SNRNP200: variants seen among roughly 807,000 people sequenced by gnomAD.
The protein encoded by SNRNP200 is U5 small nuclear ribonucleoprotein 200 kDa helicase.
In SNRNP200, 66 loss-of-function variants were observed where a neutral mutation model predicts 255.2. The ratio of observed to expected loss-of-function variants is 0.26; its 90% CI spans 0.21 to 0.32. The LOEUF is 0.32. SNRNP200 is among the 10% of genes least tolerant of loss of function. The probability of loss-of-function intolerance (pLI) is 1.00; values close to 1 mark genes in which losing one functional copy is unlikely to be tolerated. For synonymous variants in SNRNP200, 939 were observed against 1,027.8 expected (o/e 0.91, Z 1.65); for missense variants, 1,585 against 2,749.8 (o/e 0.58, Z 9.47).
rs1352883834 is a variant in SNRNP200 at position 96,297,498 on chromosome 2, C to T, written c.1242G>A (p.Leu414=). The T allele has an allele frequency of 1.2e-6, 2 of 1,614,090 alleles. No individual in the cohort carries two copies. Among genetic ancestry groups the T allele is most frequent in the East Asian group, 4.5e-5 (2 of 44,874 alleles). The part of the protein sequence containing the change: ...APRQVLDLED[L]VFTQGSHFMA... The stretch of plus-strand genomic sequence containing the variant: ...TAAAGTGGCTCCCTTGGGTAAAAAC[C>T]AGGTCCTCCAAGTCCAGAACCTGCC... Residue 414 remains leucine, a synonymous_variant, in exon 11 of 45, where the codon CTG becomes CTA. Coordinates refer to ENST00000323853, the MANE Select transcript of SNRNP200 (RefSeq NM_014014.5).
rs184818656 is a variant in SNRNP200 at position 96,301,266 on chromosome 2, G to A, written c.575-213C>T. On this transcript the variant is annotated intron_variant, in intron 4 of 44. Transcript: ENST00000323853. ...CCAGCCTTGGAGTCAGCCCAGCTCT[G>A]CTTGCTCAACCACTTGAGCCCCCAA... Among the ~76,000 whole-genome samples the A allele has an allele frequency of 5.3e-5, 8 of 152,248 alleles. No homozygotes were observed. In the East Asian group the frequency reaches 1.3e-3, roughly 26 times the overall value.
chr2:96,286,297 A>T lies in SNRNP200; in HGVS notation c.4003+14T>A, dbSNP rs769747654. The T allele has an allele frequency of 6.2e-7, 1 of 1,613,544 alleles. No individual in the cohort carries two copies. The highest frequency in any genetic ancestry group is 8.5e-7 in the Non-Finnish European group (1 of 1,179,558). ...GACTTCAAAAGCCTCCAGAGGAGGG[A>T]TGGAAACACTTACCCTGGGTCTGGA... is the stretch of plus-strand genomic sequence containing the variant. On this transcript the variant is annotated intron_variant, in intron 29 of 44. Coordinates refer to ENST00000323853, the MANE Select transcript of SNRNP200 (RefSeq NM_014014.5). The surrounding 1 kb of genome is among the most constrained non-coding windows in gnomAD (Gnocchi z 4.8).
intron 35 of SNRNP200, 54 bp from the exon 36 acceptor site, chr2:96,279,613 C>G (rs930472432): frequency 6.8e-6 from 8 of 1,173,918 alleles, no homozygotes; most frequent in Non-Finnish European, 5.1e-6. Flanking sequence ...GGAGACCATG[C>G]TCAGGAAGCC....
At chr2:96,276,297 G>A (rs1558762146) in intron 43 of SNRNP200, among the ~76,000 whole-genome samples, 1 of 152,028 alleles carries the variant, frequency 6.6e-6, no homozygotes, top group East Asian at 1.9e-4. Context: ...GAAAAAAGAA[G>A]AAACAACCAG....
chr2:96,277,279 C>G lies in SNRNP200; in HGVS notation c.5932-38G>C. The G allele has an allele frequency of 6.2e-7, 1 of 1,609,730 alleles. No individual in the cohort carries two copies. Among genetic ancestry groups the G allele is most frequent in the Non-Finnish European group, 8.5e-7 (1 of 1,176,188 alleles). ...TTCAGACGTCAGGAAAGAGAGAACA[C>G]GGGCCAACAGCAAATGACACAGGCA... On this transcript the variant is annotated intron_variant, in intron 41 of 44. Coordinates refer to ENST00000323853, the MANE Select transcript of SNRNP200 (RefSeq NM_014014.5). The surrounding 1 kb of genome is among the most constrained non-coding windows in gnomAD (Gnocchi z 4.4).
At chr2:96,275,809 T>C (rs957575982) in intron 43 of SNRNP200, among the ~76,000 whole-genome samples, 1 of 152,216 alleles carries the variant, frequency 6.6e-6, no homozygotes, top group African/African-American at 2.4e-5. Context: ...GAGACCATAC[T>C]GGCTAACATG....
At chr2:96,288,015 C>T (rs2063854074) in intron 24 of SNRNP200, 46 bp from the exon 25 acceptor site, 1 of 1,564,630 alleles carries the variant, frequency 6.4e-7, no homozygotes, top group African/African-American at 1.4e-5. Context: ...CGACTATCCC[C>T]AGGCCTCATG....
chr2:96,291,064 A>G lies in SNRNP200; in HGVS notation c.2422-249T>C, dbSNP rs943544082. Among the ~76,000 whole-genome samples, 44 of 152,196 alleles carry G rather than the reference A, an allele frequency of 2.9e-4. No homozygotes were observed. Among genetic ancestry groups the G allele is most frequent in the African/African-American group, 1.0e-3 (42 of 41,444 alleles). On this transcript the variant is annotated intron_variant, in intron 18 of 44. Coordinates refer to ENST00000323853, the MANE Select transcript of SNRNP200 (RefSeq NM_014014.5). The surrounding 1 kb of genome is among the most constrained non-coding windows in gnomAD (Gnocchi z 4.2). ...GCAGACTTGTATTAAACAACCTTAA[A>G]GTTACTAGAAAAGGTAAAACAGAGC... is the stretch of plus-strand genomic sequence containing the variant.
chr2:96,288,020 C>T, intron 24 of SNRNP200, 51 bp from the exon 25 acceptor site: 1 of 1,528,798 alleles, frequency 6.5e-7, no homozygotes, highest in South Asian at 1.1e-5. Flanking sequence ...ATCCCCAGGC[C>T]TCATGAGCCA....
Position 96,278,139 on chromosome 2 carries a change from G to A in SNRNP200, c.5610+98C>T. 6.3e-7 allele frequency: 1 copy of A among 1,584,912 alleles called. No homozygotes were observed. The highest frequency in any genetic ancestry group is 1.7e-5 in the Admixed American group (1 of 59,968). ...GGACATATGGCGGGGGTCGGGGGAT[G>A]CGTATGGGCGTGTTGGTGGCAGGGA... On this transcript the variant is annotated intron_variant, in intron 39 of 44. Transcript: ENST00000323853. This position sits in a 1 kb window ranked among gnomAD's most constrained non-coding sequence, Gnocchi z 6.9.
chr2:96,291,829 T>C lies in SNRNP200; in HGVS notation c.2232A>G (p.Glu744=). 1 of 1,614,196 alleles carries C rather than the reference T, an allele frequency of 6.2e-7. No individual in the cohort carries two copies. Reference sequence around the variant, plus strand: ...TCAGAAACAGACCCAGAGTGTCCTTTTCTAGGCACATGTCCCGGATGGCCC... The same window carrying C: ...TCAGAAACAGACCCAGAGTGTCCTTCTCTAGGCACATGTCCCGGATGGCCC... ...TARAIRDMCL[E]KDTLGLFLRE... is the part of the protein sequence containing the mutation. The change falls in exon 17 of 45, where the codon GAA becomes GAG. Residue 744 remains glutamate, a synonymous_variant. Transcript: ENST00000323853. The surrounding 1 kb of genome is among the most constrained non-coding windows in gnomAD (Gnocchi z 4.2).
chr2:96,292,820 T>C (rs919921707), intron 16 of SNRNP200, 152 bp downstream of exon 16: 1 of 843,908 alleles, frequency 1.2e-6, no homozygotes, highest in Admixed American at 2.2e-5. Flanking sequence ...CCAGTGGCTA[T>C]AGGTTCTGTA....
Position 96,276,912 on chromosome 2 carries a change from A to T in SNRNP200, c.6166T>A (p.Phe2056Ile). 6.2e-7 allele frequency: 1 copy of T among 1,612,812 alleles called. No individual in the cohort carries two copies. The highest frequency in any genetic ancestry group is 8.5e-7 in the Non-Finnish European group (1 of 1,178,820). The change falls in exon 43 of 45, where the codon TTC becomes ATC. Residue 2056 changes from phenylalanine to isoleucine, a missense_variant. Physicochemically the swap from Phe to Ile is conservative, Grantham distance 21 (BLOSUM62 0). Around this residue, in one of 9 missense-constraint regions of SNRNP200, gnomAD observed 279 missense variants for 551.2 expected, o/e 0.51. Coordinates refer to ENST00000323853, the MANE Select transcript of SNRNP200 (RefSeq NM_014014.5). Reference protein sequence around the residue: ...EVTGPVIAPLFPQKREEGWWV... With the variant: ...EVTGPVIAPLIPQKREEGWWV... ...CAGCTACCAGGACGCACCTGCGGGAAGAGAGGCGCAATGACAGGGCCTGTG... is the reference window on the plus strand; with the variant it reads ...CAGCTACCAGGACGCACCTGCGGGATGAGAGGCGCAATGACAGGGCCTGTG...
At chr2:96,285,470 G>A (rs1002955678) in intron 29 of SNRNP200, 130 bp from the exon 30 acceptor site, 7 of 1,001,556 alleles carry the variant, frequency 7.0e-6, no homozygotes, top group East Asian at 5.2e-5. Flanking sequence ...TGCAGACAGA[G>A]GAGCTAAGGC....
rs2063963015 is a variant in SNRNP200, at chr2:96,303,070, T to C, written c.381+89A>G. 8 of 1,407,436 alleles carry C rather than the reference T, an allele frequency of 5.7e-6. No homozygotes were observed. In the South Asian group the frequency reaches 6.9e-5, roughly 12 times the overall value. 87.2% of individuals were successfully genotyped at this position (1,407,436 alleles called of 1,614,324 possible). ...ACTCATCAGCATACAAAAAGATACT[T>C]AGCACTTCGAAGATTCCAAGGATCT... On this transcript the variant is annotated intron_variant, in intron 3 of 44. Transcript: ENST00000323853.
At position 96,281,823 on chromosome 2, in the gene SNRNP200, T is replaced by C. The variant is rs1359022039; in HGVS notation, c.5015A>G (p.Lys1672Arg). Residue 1672 changes from lysine (K) to arginine (R), a missense_variant, in exon 35 of 45, where the codon AAG (lysine) becomes AGG (arginine). Around this residue, in one of 9 missense-constraint regions of SNRNP200, gnomAD observed 719 missense variants for 1,091.1 expected, o/e 0.66. Coordinates refer to ENST00000323853, the MANE Select transcript of SNRNP200 (RefSeq NM_014014.5). ...IIMDTQYYNGKIHAYVDYPIY... is the reference protein window; with the variant it reads ...IIMDTQYYNGRIHAYVDYPIY... ...CACCAGTTGTACTCACGCGTGGATC[T>C]TGCCATTGTAGTACTGGGTATCCAT... 3 of 1,612,890 alleles carry C rather than the reference T, an allele frequency of 1.9e-6. No homozygotes were observed. The highest frequency in any genetic ancestry group is 2.5e-6 in the Non-Finnish European group (3 of 1,178,852).
At chr2:96,305,308 G>A in intron 1 of SNRNP200, 85 bp downstream of exon 1, 1 of 1,538,030 alleles carries the variant, frequency 6.5e-7, no homozygotes, top group Non-Finnish European at 9.0e-7. Context: ...TCTCCTGTAG[G>A]CCTTCAGACT....
At chr2:96,299,478 C>T (rs764068040) in intron 5 of SNRNP200, 51 bp from the exon 6 acceptor site, 15 of 1,440,136 alleles carry the variant, frequency 1.0e-5, no homozygotes, top group Non-Finnish European at 1.4e-5. Context: ...TCCTGCATCA[C>T]CACAGAACCT....
rs774092231 is a variant in SNRNP200, at chr2:96,289,115, C to T, written c.3096G>A (p.Glu1032=). Residue 1032 remains glutamate (E), a splice_region_variant and synonymous_variant, in exon 23 of 45, where the codon GAG becomes GAA. Coordinates refer to ENST00000323853, the MANE Select transcript of SNRNP200 (RefSeq NM_014014.5). ...GCAACTTCTGCAGCTCCAGCTTCTCCTCCTGCCACAAGGAGGAAAAGGTCA... is the reference window on the plus strand; with the variant it reads ...GCAACTTCTGCAGCTCCAGCTTCTCTTCCTGCCACAAGGAGGAAAAGGTCA... The part of the protein sequence containing the change: ...SEFKNITVRE[E]EKLELQKLLE... 2 of 1,613,798 alleles carry T rather than the reference C, an allele frequency of 1.2e-6. No individual in the cohort carries two copies. Among genetic ancestry groups the T allele is most frequent in the Non-Finnish European group, 8.5e-7 (1 of 1,179,862 alleles).
Sources: allele counts gnomAD v4.1 joint callset (sites outside exome capture counted in the v4.1 genomes callset), GRCh38; gene constraint gnomAD v4.1.1; regional missense constraint gnomAD v4.1.1; non-coding constraint Gnocchi (gnomAD v3.1); transcripts MANE v1.5; gene names NCBI Gene and HGNC (gene_info 2026-07-23, HGNC 2026-07-21).